The following PATJ variants were observed in gnomAD, a reference collection of about 807,000 sequenced individuals.
The protein encoded by PATJ is PATJ crumbs cell polarity complex component.
Under a neutral mutation model 224.9 loss-of-function variants are expected in PATJ, and 190 were observed. The ratio of observed to expected loss-of-function variants is 0.84; its 90% confidence interval spans 0.75 to 0.95. The LOEUF (loss-of-function observed/expected upper bound fraction) is 0.95. Ranked by LOEUF, PATJ falls within the 40% of genes least tolerant of loss-of-function variation. The pLI, the probability that PATJ is intolerant of heterozygous loss-of-function variation, is 0.00. For missense variants in PATJ, 2,121 were observed against 2,270.3 expected, an observed-to-expected ratio of 0.93 and a Z score of 1.34; for synonymous variants, 769 against 820.3, an observed-to-expected ratio of 0.94 and a Z score of 1.07.
chr1:61,811,842 A>G (rs1341053549), intron 14 of PATJ, among the ~76,000 whole-genome samples: 1 of 151,190 alleles, frequency 6.6e-6, no homozygotes, highest in Non-Finnish European at 1.5e-5. Context: ...TGGGTGGATC[A>G]CGAGGTCAGG....
At chr1:61,747,226 C>T (rs1570208656) in intron 1 of PATJ, among the ~76,000 whole-genome samples, 1 of 151,202 alleles carries the variant, frequency 6.6e-6, no homozygotes, top group Admixed American at 6.6e-5. Flanking sequence ...ATTTGGATGC[C>T]TTTTTTAAAG....
intron 31 of PATJ, among the ~76,000 whole-genome samples, chr1:62,076,006 A>C (rs930811128): frequency 6.6e-6 from 1 of 152,116 alleles, no homozygotes; most frequent in African/African-American, 2.4e-5. Context: ...AGTGGTTCTT[A>C]ACCCTGTTTT....
chr1:61,802,604 A>G (rs1196764857), intron 12 of PATJ, among the ~76,000 whole-genome samples: 1 of 152,146 alleles, frequency 6.6e-6, no homozygotes, highest in East Asian at 1.9e-4. Context: ...GTCTATATCT[A>G]TAGATTATTG....
chr1:61,837,858 T>C (rs1275746618), intron 17 of PATJ, among the ~76,000 whole-genome samples: 3 of 146,574 alleles, frequency 2.0e-5, no homozygotes, highest in African/African-American at 7.6e-5. Context: ...TATAGAACAA[T>C]AGGGTAGCTC....
chr1:61,836,492 G>A (rs555491320), intron 17 of PATJ, among the ~76,000 whole-genome samples: 9 of 152,268 alleles, frequency 5.9e-5, no homozygotes, highest in South Asian at 4.1e-4. Flanking sequence ...CTAAACCTTG[G>A]GGAATGGGGA....
Position 61,875,243 on chromosome 1 carries a change from A to G in PATJ, c.2836A>G (p.Met946Val), listed in dbSNP as rs1211895657. 1 of 1,581,584 alleles carries G rather than the reference A, an allele frequency of 6.3e-7. No individual in the cohort carries two copies. The highest frequency in any genetic ancestry group is 1.4e-5 in the African/African-American group (1 of 73,814). ...CATTTCTATTTTTCTTCCTCTCAAG[A>G]TGAAAGAAAATTTTGTCATGGAGTC... ...QPYGYCPENV[M>V]KENFVMESLP... Residue 946 changes from methionine (M) to valine (V), a missense_variant and splice_region_variant, in exon 21 of 44, where the codon ATG (methionine) becomes GTG (valine). Met to Val is a conservative substitution (Grantham distance 21). Transcript: ENST00000642238.
At chr1:62,056,663 C>G (rs1345459062) in intron 31 of PATJ, among the ~76,000 whole-genome samples, 1 of 152,122 alleles carries the variant, frequency 6.6e-6, no homozygotes, top group Non-Finnish European at 1.5e-5. Flanking sequence ...TGCCTGTAAT[C>G]CCAGCTACTT....
At chr1:62,009,090 C>T (rs929795577) in intron 28 of PATJ, among the ~76,000 whole-genome samples, 5 of 152,150 alleles carry the variant, frequency 3.3e-5, no homozygotes, top group Non-Finnish European at 5.9e-5. Flanking sequence ...ATAATATTTT[C>T]CCAATTTCAA....
intron 7 of PATJ, among the ~76,000 whole-genome samples, chr1:61,786,605 A>G (rs1450193327): frequency 6.6e-6 from 1 of 152,028 alleles, no homozygotes; most frequent in Non-Finnish European, 1.5e-5. Flanking sequence ...CTATCTTTCT[A>G]GTTGCTCAGG....
At chr1:61,796,678 C>A (rs1200746843) in intron 10 of PATJ, among the ~76,000 whole-genome samples, 1 of 24,800 alleles carries the variant, frequency 4.0e-5, no homozygotes, top group Non-Finnish European at 1.1e-4. Flanking sequence ...TTCTTTCTTT[C>A]TTTCTTTCTT....
intron 27 of PATJ, among the ~76,000 whole-genome samples, chr1:61,980,095 G>A (rs978420898): frequency 1.3e-5 from 2 of 151,920 alleles, no homozygotes; most frequent in Non-Finnish European, 2.9e-5. Flanking sequence ...ATGCCATATT[G>A]TTATGTAGGG....
chr1:61,777,724 T>TTTTTTTTTTTTC (rs765662896), intron 7 of PATJ, among the ~76,000 whole-genome samples: 30 of 106,000 alleles, frequency 2.8e-4, no homozygotes, highest in East Asian at 1.0e-3. Flanking sequence ...TTTTTTTTTT[T>TTTTTTTTTTTTC]TTTAGCATAG....
intron 31 of PATJ, among the ~76,000 whole-genome samples, chr1:62,051,885 T>C (rs1400206525): frequency 6.6e-6 from 1 of 152,232 alleles, no homozygotes; most frequent in African/African-American, 2.4e-5. Flanking sequence ...CACTGTGCTG[T>C]GTTCTGCATG....
At chr1:61,888,135 G>A (rs1452770772) in intron 22 of PATJ, among the ~76,000 whole-genome samples, 2 of 152,158 alleles carry the variant, frequency 1.3e-5, no homozygotes, top group Non-Finnish European at 2.9e-5. Flanking sequence ...TGCCAGGCCC[G>A]GTGTCCTAAT....
chr1:61,937,836 G>A (rs887677164), intron 27 of PATJ, among the ~76,000 whole-genome samples: 7 of 151,990 alleles, frequency 4.6e-5, no homozygotes, highest in African/African-American at 1.7e-4. Flanking sequence ...TTTTAGTAGC[G>A]ATAGGGTTTC....
chr1:61,968,037 A>G (rs1364350921), intron 27 of PATJ, among the ~76,000 whole-genome samples: 1 of 152,222 alleles, frequency 6.6e-6, no homozygotes, highest in Non-Finnish European at 1.5e-5. Flanking sequence ...ATCCAAGAAG[A>G]TATGAAAGCC....
chr1:62,085,977 T>C (rs1297122632), intron 33 of PATJ, among the ~76,000 whole-genome samples: 1 of 152,136 alleles, frequency 6.6e-6, no homozygotes, highest in African/African-American at 2.4e-5. Context: ...TTTTATTGTT[T>C]TTTATTTTTT....
chr1:61,836,999 T>C (rs1262852926), intron 17 of PATJ, among the ~76,000 whole-genome samples: 1 of 152,228 alleles, frequency 6.6e-6, no homozygotes, highest in Non-Finnish European at 1.5e-5. Flanking sequence ...AAATTTACTT[T>C]GGAATATCTC....
intron 7 of PATJ, among the ~76,000 whole-genome samples, chr1:61,781,128 G>C (rs1404904160): frequency 6.6e-6 from 1 of 152,206 alleles, no homozygotes; most frequent in Non-Finnish European, 1.5e-5. Context: ...TCAGGATTGA[G>C]CCCGTACCTG....
Sources: gnomAD v4.1 joint callset for allele counts (sites outside exome capture counted in the v4.1 genomes callset) on GRCh38, gnomAD v4.1.1 for gene constraint, MANE v1.5 for transcripts, NCBI Gene and HGNC (gene_info 2026-07-23, HGNC 2026-07-21) for gene names.